The following PCDHGB3 variants were observed in gnomAD, a reference collection of about 807,000 sequenced individuals.
PCDHGB3 encodes the protein protocadherin gamma-B3.
A neutral mutation model predicts 59.2 loss-of-function variants in PCDHGB3; 40 were observed. The observed-to-expected ratio is 0.68, with a 90% CI of 0.52 to 0.88. The LOEUF (loss-of-function observed/expected upper bound fraction) is 0.88. PCDHGB3 is among the 40% of genes least tolerant of loss of function. The probability of loss-of-function intolerance (pLI) is 0.00; values close to 1 mark genes in which losing one functional copy is unlikely to be tolerated. For synonymous variants in PCDHGB3, 581 were observed against 503.6 expected, an observed-to-expected ratio of 1.15 and a Z score of -2.06; for missense variants, 1,309 against 1,187.9, an observed-to-expected ratio of 1.10 and a Z score of -1.50.
chr5:141,387,717 C>T (rs2091056709), intron 1 of PCDHGB3: 1 of 1,093,268 alleles, frequency 9.1e-7, no homozygotes, highest in African/African-American at 1.6e-5. Context: ...CCAGCTCAGA[C>T]TCCCCAGCGC....
rs899154780 is a variant in PCDHGB3, at chr5:141,402,932, A to C, written c.2415+30123A>C. ...AGCGCGCACAGAGATCCTTTTGAGAAAATTCCAAAGCGAGGCAGCAATGGC... is the reference window on the plus strand; with the variant it reads ...AGCGCGCACAGAGATCCTTTTGAGACAATTCCAAAGCGAGGCAGCAATGGC... On this transcript the variant is annotated intron_variant, in intron 1 of 3. Coordinates refer to ENST00000576222, the MANE Select transcript of PCDHGB3 (RefSeq NM_018924.5). 3 of 1,584,974 alleles carry C rather than the reference A, an allele frequency of 1.9e-6. No individual in the cohort carries two copies. In the Admixed American group the frequency reaches 5.4e-5, roughly 29 times the overall value.
chr5:141,506,207 TTGGGAAGCTGAG>T (rs1487107822), intron 3 of PCDHGB3, among the ~76,000 whole-genome samples: 1 of 152,020 alleles, frequency 6.6e-6, no homozygotes, highest in Non-Finnish European at 1.5e-5. Flanking sequence ...TCCCAGCACT[TTGGGAAGCTGAG>T]GCAGGAGGAT....
At chr5:141,424,022 A>G (rs2096795541) in intron 1 of PCDHGB3, 13 of 1,046,584 alleles carry the variant, frequency 1.2e-5, no homozygotes, top group Non-Finnish European at 1.4e-5. Context: ...ATGATTCACA[A>G]ACACTTTTTA....
chr5:141,465,366 A>G (rs2099102089), intron 1 of PCDHGB3, among the ~76,000 whole-genome samples: 1 of 152,154 alleles, frequency 6.6e-6, no homozygotes, highest in Non-Finnish European at 1.5e-5. Flanking sequence ...GGTGCCCTTT[A>G]AAGTTGTAAG....
At chr5:141,455,607 G>A (rs2098827849) in intron 1 of PCDHGB3, among the ~76,000 whole-genome samples, 1 of 152,248 alleles carries the variant, frequency 6.6e-6, no homozygotes, top group East Asian at 1.9e-4. Context: ...GGGCGCCATG[G>A]ATGTTCTAAA....
chr5:141,485,359 C>T lies in PCDHGB3; in HGVS notation c.2416-9448C>T. ...TGGATACGGACAGTCTGTCAGCTCG[C>T]AGGCTGCAGGTCGCTGGAGAGGTGA... is the stretch of plus-strand genomic sequence containing the variant. On this transcript the variant is annotated intron_variant, in intron 1 of 3. Transcript: ENST00000576222. The surrounding 1 kb of genome is among the most constrained non-coding windows in gnomAD (Gnocchi z 5.7). 6.2e-7 allele frequency: 1 copy of T among 1,614,144 alleles called. No homozygotes were observed. The highest frequency in any genetic ancestry group is 8.5e-7 in the Non-Finnish European group (1 of 1,180,010).
At chr5:141,375,929 CT>C (rs1378296851) in intron 1 of PCDHGB3, 3 of 1,613,620 alleles carry the variant, frequency 1.9e-6, no homozygotes, top group Non-Finnish European at 1.7e-6. Context: ...CGAGCCAGGA[CT>C]TTTCTCAGTG....
intron 1 of PCDHGB3, chr5:141,385,603 T>C: frequency 1.7e-6 from 2 of 1,190,158 alleles, no homozygotes; most frequent in South Asian, 5.3e-5. Flanking sequence ...CTTTCTTAAC[T>C]CATATATTTT....
At chr5:141,405,543 C>T (rs1027086926) in intron 1 of PCDHGB3, 27 of 634,834 alleles carry the variant, frequency 4.3e-5, no homozygotes, top group Non-Finnish European at 7.1e-5. Flanking sequence ...CCTCAGCCTC[C>T]CAAGTAGAGT....
At chr5:141,401,213 G>T (rs1259778152) in intron 1 of PCDHGB3, among the ~76,000 whole-genome samples, 2 of 152,014 alleles carry the variant, frequency 1.3e-5, no homozygotes, top group African/African-American at 4.8e-5. Flanking sequence ...GTGGTGGCGG[G>T]CGCCTGTAAT....
At position 141,384,585 on chromosome 5, in the gene PCDHGB3, C is replaced by T. The variant is rs545796754; in HGVS notation, c.2415+11776C>T. 4.3e-6 allele frequency: 7 copies of T among 1,614,246 alleles called. No individual in the cohort carries two copies. In the African/African-American group the frequency reaches 6.7e-5, roughly 15 times the overall value. ...ACCAGAATGACAACCCGCCCGAGAT[C>T]CTGTACCCGGCCCTCCCCACAGATG... On this transcript the variant is annotated intron_variant, in intron 1 of 3. Coordinates refer to ENST00000576222, the MANE Select transcript of PCDHGB3 (RefSeq NM_018924.5).
intron 2 of PCDHGB3, 179 bp downstream of exon 2, chr5:141,495,044 T>C (rs2099758475): frequency 1.1e-6 from 1 of 944,572 alleles, no homozygotes; most frequent in Non-Finnish European, 1.3e-6. Flanking sequence ...AAGAGGCGAC[T>C]GCCCTGACTG....
intron 1 of PCDHGB3, chr5:141,414,963 G>T (rs2095808106): frequency 1.1e-5 from 17 of 1,614,006 alleles, no homozygotes; most frequent in Non-Finnish European, 1.4e-5. Context: ...CCAAGGTGGT[G>T]GCGGTGGACA....
In PCDHGB3 at chr5:141,389,615, G is replaced by A. The variant is rs552257647; in HGVS notation, c.2415+16806G>A. 11 of 1,612,972 alleles carry A rather than the reference G, an allele frequency of 6.8e-6. No individual in the cohort carries two copies. The African/African-American group carries it at 8.0e-5, about 12-fold the overall frequency. On this transcript the variant is annotated intron_variant, in intron 1 of 3. Transcript: ENST00000576222. ...GCTCTGCGCTCTTCGATATGGTGCC[G>A]CACGCTGCAGAGCCTGGCTACTTGG...
chr5:141,407,949 C>T, intron 1 of PCDHGB3: 1 of 575,256 alleles, frequency 1.7e-6, no homozygotes, highest in Non-Finnish European at 2.8e-6. Context: ...CCGCTGTCGG[C>T]CAGTGCAGAG....
At chr5:141,418,974 G>A in intron 1 of PCDHGB3, 2 of 1,613,936 alleles carry the variant, frequency 1.2e-6, no homozygotes, top group Non-Finnish European at 1.7e-6. Context: ...TTCAAAACAC[G>A]GGACCAAGAC....
intron 1 of PCDHGB3, chr5:141,422,102 T>A: frequency 6.2e-7 from 1 of 1,609,526 alleles, no homozygotes; most frequent in Non-Finnish European, 8.5e-7. Context: ...GCTTCTGAAA[T>A]ATTCCAATTG....
intron 3 of PCDHGB3, 61 bp downstream of exon 3, chr5:141,505,542 A>G (rs2099846540): frequency 6.2e-7 from 1 of 1,604,832 alleles, no homozygotes; most frequent in African/African-American, 1.3e-5. Context: ...GGTGCATCTC[A>G]CAGCCACCAT....
At chr5:141,438,305 G>T (rs1287488865) in intron 1 of PCDHGB3, among the ~76,000 whole-genome samples, 2 of 151,822 alleles carry the variant, frequency 1.3e-5, no homozygotes, top group East Asian at 1.9e-4. Context: ...AAAGAAGTTG[G>T]TACCACCATA....
Sources: gnomAD v4.1 joint callset for allele counts (sites outside exome capture counted in the v4.1 genomes callset) on GRCh38, gnomAD v4.1.1 for gene constraint, Gnocchi (gnomAD v3.1) non-coding constraint, MANE v1.5 for transcripts, NCBI Gene and HGNC (gene_info 2026-07-23, HGNC 2026-07-21) for gene names.